The following MEGF10 variants were observed in gnomAD, a reference collection of about 807,000 sequenced individuals.
The protein encoded by MEGF10 is multiple epidermal growth factor-like domains protein 10.
In MEGF10, 86 loss-of-function variants were observed where a neutral mutation model predicts 147.5. The observed-to-expected ratio is 0.58, with a 90% confidence interval of 0.49 to 0.70. The LOEUF (loss-of-function observed/expected upper bound fraction) is 0.70. Ranked by LOEUF, MEGF10 falls within the 30% of genes least tolerant of loss-of-function variation. MEGF10 has a pLI of 0.00. For missense variants in MEGF10, 1,329 were observed against 1,487.3 expected (o/e 0.89, Z 1.75); for synonymous variants, 478 against 525.5 (o/e 0.91, Z 1.24).
At position 127,380,554 on chromosome 5, in the gene MEGF10, G is replaced by A. The variant is rs143258166; in HGVS notation, c.412+10552G>A. ...TTTTTTTGAGATGGAGTCTCGCATT[G>A]TCACCCGGGCTGGAGTGCAGTGGCG... is the stretch of plus-strand genomic sequence containing the variant. On this transcript the variant is annotated intron_variant, in intron 5 of 24. Transcript: ENST00000503335. Among the ~76,000 whole-genome samples the A allele has an allele frequency of 4.8e-5, 7 of 147,350 alleles. No individual in the cohort carries two copies. In the East Asian group the frequency reaches 1.4e-3, roughly 29 times the overall value.
the MEGF10 span, chr5:127,229,412 C>G: frequency 6.6e-6 from 1 of 151,772 alleles, no homozygotes; most frequent in Non-Finnish European, 1.5e-5. Context: ...CACCGCCAGC[C>G]TCGTCCTCGC....
At chr5:127,246,092 A>G in the MEGF10 span, among the ~76,000 whole-genome samples, 14 of 152,334 alleles carry the variant, frequency 9.2e-5, no homozygotes, top group African/African-American at 3.1e-4. Context: ...TGACCCAGCA[A>G]TCCCATTACT....
chr5:127,413,149 G>C (rs1279213727), intron 9 of MEGF10, among the ~76,000 whole-genome samples: 1 of 152,064 alleles, frequency 6.6e-6, no homozygotes, highest in Non-Finnish European at 1.5e-5. Context: ...ATCTATCATG[G>C]AGCTGAAATG....
At chr5:127,259,434 G>A in the MEGF10 span, among the ~76,000 whole-genome samples, 1 of 152,296 alleles carries the variant, frequency 6.6e-6, no homozygotes, top group East Asian at 1.9e-4. Context: ...GCACTGAAAT[G>A]TCAAAGGGGG....
In MEGF10 at chr5:127,454,479, G is replaced by C. The variant is rs1314236076; in HGVS notation, c.2981-87G>C. 10 of 1,196,820 alleles carry C rather than the reference G, an allele frequency of 8.4e-6. No homozygotes were observed. The South Asian group carries it at 1.3e-4, about 15-fold the overall frequency. 74.1% of individuals were successfully genotyped at this position (1,196,820 alleles called of 1,614,324 possible). A position where few individuals can be genotyped will look rare whatever the true frequency, so the allele number is the denominator to read the frequency against. Reference sequence around the variant, plus strand: ...AGCCTGGTTGTTTGCTGCAGTGGGAGATCCTCTTCCAGGACCTTGGGATAT... The same window carrying C: ...AGCCTGGTTGTTTGCTGCAGTGGGACATCCTCTTCCAGGACCTTGGGATAT... On this transcript the variant is annotated intron_variant, in intron 22 of 24. Coordinates refer to ENST00000503335, the MANE Select transcript of MEGF10 (RefSeq NM_001256545.2).
chr5:127,453,739 A>G (rs1383124671), intron 22 of MEGF10, among the ~76,000 whole-genome samples: 14 of 152,202 alleles, frequency 9.2e-5, no homozygotes, highest in Non-Finnish European at 2.1e-4. Flanking sequence ...TAACAATGCA[A>G]TTTTGCACGT....
At chr5:127,451,525 G>T (rs978605069) in intron 22 of MEGF10, among the ~76,000 whole-genome samples, 5 of 152,134 alleles carry the variant, frequency 3.3e-5, no homozygotes, top group African/African-American at 4.8e-5. Flanking sequence ...CTTTTTAGGA[G>T]TCTTAATTAC....
intron 1 of MEGF10, among the ~76,000 whole-genome samples, chr5:127,320,058 G>A (rs1760731229): frequency 1.3e-5 from 2 of 152,160 alleles, no homozygotes; most frequent in South Asian, 2.1e-4. Context: ...CACAAAAGTC[G>A]ATGAATCTTA....
At chr5:127,400,179 T>C (rs17839693) in intron 7 of MEGF10, among the ~76,000 whole-genome samples, 36,316 of 152,074 alleles carry the variant, frequency 0.24, 4,938 homozygotes, top group African/African-American at 0.38. Context: ...AAATCAGATC[T>C]GAGAGGGTTA....
At chr5:127,238,420 A>G in the MEGF10 span, among the ~76,000 whole-genome samples, 16 of 152,306 alleles carry the variant, frequency 1.1e-4, no homozygotes, top group East Asian at 2.5e-3. Flanking sequence ...CATGGAGGTT[A>G]GTGGTCCTTC....
chr5:127,246,302 C>G, the MEGF10 span, among the ~76,000 whole-genome samples: 4 of 151,948 alleles, frequency 2.6e-5, no homozygotes, highest in African/African-American at 9.7e-5. Flanking sequence ...ATGTTCTTTG[C>G]CAGAACATGG....
At chr5:127,422,815 T>G (rs1202270951) in intron 13 of MEGF10, 43 bp downstream of exon 13, 2 of 1,406,628 alleles carry the variant, frequency 1.4e-6, no homozygotes, top group East Asian at 4.6e-5. Flanking sequence ...AACCCGCCAA[T>G]TTAACACCTA....
chr5:127,268,633 G>A, the MEGF10 span, among the ~76,000 whole-genome samples: 1 of 152,260 alleles, frequency 6.6e-6, no homozygotes, highest in Non-Finnish European at 1.5e-5. Flanking sequence ...AAGGAGGCCT[G>A]CCTGCCTCTG....
chr5:127,395,050 AC>A (rs2126917719), intron 5 of MEGF10, among the ~76,000 whole-genome samples: 1 of 152,334 alleles, frequency 6.6e-6, no homozygotes, highest in South Asian at 2.1e-4. Flanking sequence ...TGTTGAAGTT[AC>A]AAAATTTTTA....
the MEGF10 span, among the ~76,000 whole-genome samples, chr5:127,277,598 A>T: frequency 3.3e-5 from 5 of 152,176 alleles, no homozygotes; most frequent in Non-Finnish European, 7.3e-5. Context: ...GATCTAACTT[A>T]TGTTTTAACA....
At chr5:127,394,875 A>G (rs749114051) in intron 5 of MEGF10, among the ~76,000 whole-genome samples, 1 of 152,222 alleles carries the variant, frequency 6.6e-6, no homozygotes, top group Non-Finnish European at 1.5e-5. Flanking sequence ...TAAAATACTA[A>G]TGAGACCAAA....
At chr5:127,269,289 C>T in the MEGF10 span, among the ~76,000 whole-genome samples, 4 of 152,150 alleles carry the variant, frequency 2.6e-5, no homozygotes, top group Admixed American at 1.3e-4. Flanking sequence ...CAAACTACTC[C>T]GAGCTAAAGG....
chr5:127,406,620 C>T (rs896315531), intron 8 of MEGF10, among the ~76,000 whole-genome samples: 9 of 152,138 alleles, frequency 5.9e-5, no homozygotes, highest in Non-Finnish European at 1.2e-4. Context: ...GGAGCCTGCA[C>T]AGAATTCCCA....
intron 1 of MEGF10, among the ~76,000 whole-genome samples, chr5:127,330,392 C>A (rs141893560): frequency 6.5e-4 from 99 of 152,266 alleles, no homozygotes; most frequent in African/African-American, 2.0e-3. Flanking sequence ...CTGTCTCTTT[C>A]TCCAGCTGTC....
Sources: allele counts gnomAD v4.1 joint callset (sites outside exome capture counted in the v4.1 genomes callset), GRCh38; gene constraint gnomAD v4.1.1; transcripts MANE v1.5; gene names NCBI Gene and HGNC (gene_info 2026-07-23, HGNC 2026-07-21).